Variants in NELL1 observed in about 807,000 individuals in gnomAD.
The protein encoded by NELL1 is neural EGFL like 1, also known as protein kinase C-binding protein NELL1.
Under a neutral mutation model 107.4 loss-of-function variants are expected in NELL1, and 76 were observed. The ratio of observed to expected loss-of-function variants is 0.71; its 90% CI spans 0.59 to 0.86. The LOEUF is 0.86. Among genes scored for constraint, NELL1 ranks in the 40% least tolerant of loss-of-function variants. NELL1 has a pLI of 0.00. For missense variants in NELL1, 1,024 were observed against 1,005.5 expected, an observed-to-expected ratio of 1.02 and a Z score of -0.25; for synonymous variants, 353 against 341.2, an observed-to-expected ratio of 1.03 and a Z score of -0.38.
chr11:20,950,953 C>G (rs116590729), intron 11 of NELL1, among the ~76,000 whole-genome samples: 1 of 152,326 alleles, frequency 6.6e-6, no homozygotes, highest in East Asian at 1.9e-4. Context: ...CTGTGACCAT[C>G]CGGTCATTAG....
At chr11:21,189,564 A>G (rs749410739) in intron 13 of NELL1, among the ~76,000 whole-genome samples, 2 of 151,748 alleles carry the variant, frequency 1.3e-5, no homozygotes, top group Non-Finnish European at 2.9e-5. Flanking sequence ...ATTTTTATAT[A>G]TTATAGAGAG....
chr11:21,041,476 G>A (rs1853230714), intron 12 of NELL1, among the ~76,000 whole-genome samples: 1 of 152,090 alleles, frequency 6.6e-6, no homozygotes, highest in Non-Finnish European at 1.5e-5. Context: ...TAGGTTGGGT[G>A]GTTAGTATAT....
intron 12 of NELL1, among the ~76,000 whole-genome samples, chr11:20,986,216 C>T (rs1425098427): frequency 6.6e-6 from 1 of 152,176 alleles, no homozygotes; most frequent in Non-Finnish European, 1.5e-5. Flanking sequence ...CTAGGCAATA[C>T]TTCAAGTTAG....
At chr11:21,115,340 AC>A (rs1855208543) in intron 13 of NELL1, among the ~76,000 whole-genome samples, 2 of 106,848 alleles carry the variant, frequency 1.9e-5, no homozygotes, top group East Asian at 3.7e-4. Flanking sequence ...AAACACACAC[AC>A]ACACACACAC....
chr11:21,217,042 A>C (rs1857630173), intron 13 of NELL1, among the ~76,000 whole-genome samples: 1 of 152,134 alleles, frequency 6.6e-6, no homozygotes, highest in Non-Finnish European at 1.5e-5. Flanking sequence ...TTTAGTCATG[A>C]GGGTAGTTAC....
intron 14 of NELL1, among the ~76,000 whole-genome samples, chr11:21,317,751 A>G (rs1029726342): frequency 6.6e-6 from 1 of 152,036 alleles, no homozygotes; most frequent in African/African-American, 2.4e-5. Context: ...CTTTTTCTAA[A>G]TGTTTGTGAT....
intron 18 of NELL1, 97 bp downstream of exon 18, chr11:21,571,037 C>G (rs1239273195): frequency 2.7e-6 from 3 of 1,126,704 alleles, no homozygotes; most frequent in African/African-American, 3.2e-5. Context: ...TTTCATAATA[C>G]TATACAGGGA....
At chr11:20,972,169 T>A (rs1358574598) in intron 12 of NELL1, among the ~76,000 whole-genome samples, 2 of 152,138 alleles carry the variant, frequency 1.3e-5, no homozygotes, top group Non-Finnish European at 2.9e-5. Flanking sequence ...GCACGACCTG[T>A]ACATATATCC....
intron 15 of NELL1, among the ~76,000 whole-genome samples, chr11:21,533,871 T>C (rs1856059413): frequency 6.6e-6 from 1 of 152,160 alleles, no homozygotes; most frequent in African/African-American, 2.4e-5. Flanking sequence ...GTATTATCAA[T>C]CTTATCTCAA....
At chr11:21,353,622 G>T (rs774303568) in intron 14 of NELL1, among the ~76,000 whole-genome samples, 1 of 152,136 alleles carries the variant, frequency 6.6e-6, no homozygotes, top group African/African-American at 2.4e-5. Flanking sequence ...CAGTGCCAGC[G>T]GCTGTGTGCA....
rs551602280 is a variant in NELL1 at position 20,743,792 on chromosome 11, T to C, written c.185-39888T>C. Among the ~76,000 whole-genome samples, 14 of 152,318 alleles carry C rather than the reference T, an allele frequency of 9.2e-5. No homozygotes were observed. The South Asian group carries it at 2.9e-3, about 32-fold the overall frequency. ...TGTACACTGATGACACTTAGATTTA[T>C]ATTTCTAACTCACACCACTTCCCTG... On this transcript the variant is annotated intron_variant, in intron 2 of 19. Transcript: ENST00000357134.
intron 2 of NELL1, among the ~76,000 whole-genome samples, chr11:20,728,993 G>T (rs960598454): frequency 6.6e-6 from 1 of 151,950 alleles, no homozygotes; most frequent in African/African-American, 2.4e-5. Context: ...TAACTGTTTT[G>T]CAGTCCTCCT....
intron 3 of NELL1, among the ~76,000 whole-genome samples, chr11:20,787,332 A>G (rs985042562): frequency 6.6e-6 from 1 of 152,130 alleles, no homozygotes; most frequent in Admixed American, 6.5e-5. Context: ...ATAGAGAAGA[A>G]TATATAATGG....
chr11:21,148,509 C>T lies in NELL1; in HGVS notation c.1426+34795C>T, dbSNP rs1361910031. 3.9e-5 allele frequency among the ~76,000 whole-genome samples: 6 copies of T among 152,154 alleles called. 1 individual carries two copies. The highest frequency in any genetic ancestry group is 7.3e-5 in the Non-Finnish European group (5 of 68,030). ...GGTTTTATTTTTGAAGTCAAGCTGC[C>T]TCTGCTTTTGGTGGATATCACTTAA... On this transcript the variant is annotated intron_variant, in intron 13 of 19. Coordinates refer to ENST00000357134, the MANE Select transcript of NELL1 (RefSeq NM_006157.5).
At chr11:21,438,429 G>C (rs1853189384) in intron 15 of NELL1, among the ~76,000 whole-genome samples, 1 of 152,142 alleles carries the variant, frequency 6.6e-6, no homozygotes, top group African/African-American at 2.4e-5. Flanking sequence ...TGACCGAACT[G>C]TGACTCAGAG....
At chr11:20,763,527 G>T (rs975089720) in intron 2 of NELL1, among the ~76,000 whole-genome samples, 8 of 152,050 alleles carry the variant, frequency 5.3e-5, no homozygotes, top group African/African-American at 1.9e-4. Context: ...ATACTAAGTG[G>T]CAGGACTGAT....
chr11:21,327,689 T>C (rs763213084), intron 14 of NELL1, among the ~76,000 whole-genome samples: 17 of 152,136 alleles, frequency 1.1e-4, no homozygotes, highest in Admixed American at 7.2e-4. Context: ...CAGAAGAAGA[T>C]AGAAAGATGT....
intron 14 of NELL1, among the ~76,000 whole-genome samples, chr11:21,263,502 T>G: frequency 6.6e-6 from 1 of 151,978 alleles, no homozygotes; most frequent in East Asian, 1.9e-4. Context: ...CCATATACAC[T>G]TTCACTGATT....
At chr11:20,978,214 T>G (rs1851678651) in intron 12 of NELL1, among the ~76,000 whole-genome samples, 2 of 152,224 alleles carry the variant, frequency 1.3e-5, no homozygotes, top group Admixed American at 1.3e-4. Flanking sequence ...TGTCTTGTTC[T>G]GATTCAGTCG....
Sources: allele counts gnomAD v4.1 joint callset (sites outside exome capture counted in the v4.1 genomes callset), GRCh38; gene constraint gnomAD v4.1.1; transcripts MANE v1.5; gene names NCBI Gene and HGNC (gene_info 2026-07-23, HGNC 2026-07-21).